BTBD9: variants seen among roughly 807,000 people sequenced by gnomAD.
BTBD9 encodes BTB domain containing 9.
BTBD9 carries 49 observed loss-of-function variants against 64.3 expected under a neutral mutation model. The ratio of observed to expected loss-of-function variants is 0.76; its 90% CI spans 0.61 to 0.97. The LOEUF is 0.97. Ranked by LOEUF, BTBD9 falls within the 50% of genes least tolerant of loss-of-function variation. The pLI is 0.00. For missense variants in BTBD9, 598 were observed against 762.1 expected (o/e 0.78, Z 2.53); for synonymous variants, 260 against 274.7 (o/e 0.95, Z 0.53).
At chr6:38,612,316 A>G (rs1457096663) in intron 1 of BTBD9, among the ~76,000 whole-genome samples, 2 of 152,204 alleles carry the variant, frequency 1.3e-5, no homozygotes, top group Non-Finnish European at 2.9e-5. Flanking sequence ...CAAGCCAACA[A>G]CTGGTAAAGG....
intron 6 of BTBD9, among the ~76,000 whole-genome samples, chr6:38,390,479 A>T (rs535202351): frequency 7.2e-5 from 11 of 152,258 alleles, no homozygotes; most frequent in Non-Finnish European, 1.2e-4. Flanking sequence ...GCAGTTATCC[A>T]ATATAAACCC....
intron 6 of BTBD9, among the ~76,000 whole-genome samples, chr6:38,441,039 A>T (rs879595409): frequency 6.6e-6 from 1 of 152,240 alleles, no homozygotes; most frequent in Non-Finnish European, 1.5e-5. Flanking sequence ...GTGACTGCCT[A>T]TGAAGGCAAT....
At chr6:38,529,062 G>A (rs1773655766) in intron 6 of BTBD9, among the ~76,000 whole-genome samples, 1 of 152,140 alleles carries the variant, frequency 6.6e-6, no homozygotes, top group Non-Finnish European at 1.5e-5. Context: ...CCACTGCCCT[G>A]AAGGAAGAGA....
intron 2 of BTBD9, 172 bp from the exon 3 acceptor site, chr6:38,594,499 G>T: frequency 1.4e-6 from 1 of 731,462 alleles, no homozygotes; most frequent in Non-Finnish European, 2.1e-6. Flanking sequence ...GGACACAAGA[G>T]GAATGATTTT....
chr6:38,621,674 G>A (rs778490064), intron 1 of BTBD9, among the ~76,000 whole-genome samples: 8 of 152,202 alleles, frequency 5.3e-5, no homozygotes, highest in Non-Finnish European at 1.0e-4. Flanking sequence ...TGGAAAGAAA[G>A]GGAGTTCCTA....
chr6:38,513,099 C>T (rs1772847649), intron 6 of BTBD9, among the ~76,000 whole-genome samples: 1 of 152,138 alleles, frequency 6.6e-6, no homozygotes, highest in Admixed American at 6.5e-5. Context: ...TCCAGGCAAT[C>T]CTAAGGTTTA....
At chr6:38,395,527 C>T (rs1279252569) in intron 6 of BTBD9, among the ~76,000 whole-genome samples, 1 of 152,140 alleles carries the variant, frequency 6.6e-6, no homozygotes. Context: ...ATTGTTGGCA[C>T]CTTGATCTTG....
At position 38,445,853 on chromosome 6, in the gene BTBD9, A is replaced by T. The variant is rs180896401; in HGVS notation, c.1155-100760T>A. On this transcript the variant is annotated intron_variant, in intron 6 of 10. Coordinates refer to ENST00000481247, the MANE Select transcript of BTBD9 (RefSeq NM_001099272.2). Reference sequence around the variant, plus strand: ...TATGGTGGGAAGGACAAAAGGCCACATGCTTATCTCTTGGCTAATATAAAG... The same window carrying T: ...TATGGTGGGAAGGACAAAAGGCCACTTGCTTATCTCTTGGCTAATATAAAG... Among the ~76,000 whole-genome samples, 423 of 152,344 alleles carry T rather than the reference A, an allele frequency of 2.8e-3. 3 individuals are homozygous for T. The highest frequency in any genetic ancestry group is 1.0e-2 in the African/African-American group (414 of 41,592).
intron 6 of BTBD9, among the ~76,000 whole-genome samples, chr6:38,368,206 T>C (rs1235664708): frequency 6.6e-6 from 1 of 152,242 alleles, no homozygotes; most frequent in African/African-American, 2.4e-5. Context: ...TCTGCTTATG[T>C]ACCACATGTA....
At chr6:38,452,899 G>A (rs1769621396) in intron 6 of BTBD9, among the ~76,000 whole-genome samples, 1 of 152,056 alleles carries the variant, frequency 6.6e-6, no homozygotes, top group South Asian at 2.1e-4. Flanking sequence ...TGAGGAAAAG[G>A]ACATCAATTC....
At chr6:38,483,841 C>T (rs1771274374) in intron 6 of BTBD9, among the ~76,000 whole-genome samples, 1 of 152,194 alleles carries the variant, frequency 6.6e-6, no homozygotes, top group South Asian at 2.1e-4. Context: ...CTCAGAAAGG[C>T]CTTCCCTGAC....
chr6:38,374,287 A>ATATATATATG (rs1216166703), intron 6 of BTBD9, among the ~76,000 whole-genome samples: 1 of 69,250 alleles, frequency 1.4e-5, no homozygotes. Context: ...AAAAAAGTAT[A>ATATATATATG]TATATATATG....
chr6:38,277,790 A>G (rs1761336482), intron 8 of BTBD9, among the ~76,000 whole-genome samples: 1 of 152,234 alleles, frequency 6.6e-6, no homozygotes. Context: ...GGTGAATTAT[A>G]TGGCATGTGA....
At chr6:38,259,234 C>T (rs149236625) in intron 8 of BTBD9, among the ~76,000 whole-genome samples, 103 of 152,334 alleles carry the variant, frequency 6.8e-4, no homozygotes, top group Non-Finnish European at 1.4e-3. Flanking sequence ...CAATTTACAA[C>T]CTCTAACCTA....
chr6:38,614,074 C>T lies in BTBD9; in HGVS notation c.-27-15953G>A, dbSNP rs1777707824. On this transcript the variant is annotated intron_variant, in intron 1 of 10. Coordinates refer to ENST00000481247, the MANE Select transcript of BTBD9 (RefSeq NM_001099272.2). ...AGTGAGAGCCAGGGATATGGAGCTG[C>T]TGGCTCTTCTGAGTTGTCAAGTCTC... Among the ~76,000 whole-genome samples, 3 of 152,194 alleles carry T rather than the reference C, an allele frequency of 2.0e-5. No homozygotes were observed. The South Asian group carries it at 6.2e-4, about 32-fold the overall frequency.
intron 6 of BTBD9, among the ~76,000 whole-genome samples, chr6:38,403,341 T>C (rs981265386): frequency 6.6e-6 from 1 of 152,182 alleles, no homozygotes; most frequent in Admixed American, 6.5e-5. Flanking sequence ...ATGTATATCT[T>C]AAAACTCAAC....
At chr6:38,197,296 A>C (rs1214965046) in intron 9 of BTBD9, among the ~76,000 whole-genome samples, 4 of 152,380 alleles carry the variant, frequency 2.6e-5, no homozygotes, top group East Asian at 1.9e-4. Flanking sequence ...GCGACATCCT[A>C]GAGCTGTCAG....
At chr6:38,549,237 A>G (rs1173932405) in intron 6 of BTBD9, among the ~76,000 whole-genome samples, 1 of 152,238 alleles carries the variant, frequency 6.6e-6, no homozygotes, top group African/African-American at 2.4e-5. Context: ...CCAGTTATTT[A>G]CCTGTAAGGT....
chr6:38,192,236 G>A (rs564474140), intron 10 of BTBD9, among the ~76,000 whole-genome samples: 1 of 152,288 alleles, frequency 6.6e-6, no homozygotes, highest in East Asian at 1.9e-4. Context: ...CAGAGACAAG[G>A]GATGGGGTGT....
Sources: allele counts gnomAD v4.1 joint callset (sites outside exome capture counted in the v4.1 genomes callset), GRCh38; gene constraint gnomAD v4.1.1; transcripts MANE v1.5; gene names NCBI Gene and HGNC (gene_info 2026-07-23, HGNC 2026-07-21).